The following PRKN variants were observed in gnomAD, a reference collection of about 807,000 sequenced individuals.
PRKN encodes E3 ubiquitin-protein ligase parkin.
Under a neutral mutation model 59.5 loss-of-function variants are expected in PRKN, and 56 were observed. That is an observed-to-expected ratio of 0.94 (90% CI 0.76 to 1.18). PRKN has a LOEUF of 1.18. Among genes scored for constraint, PRKN ranks in the 50% most tolerant of loss-of-function variants. The pLI, the probability that PRKN is intolerant of heterozygous loss-of-function variation, is 0.00. For synonymous variants in PRKN, 250 were observed against 222.1 expected (o/e 1.13, Z -1.12); for missense variants, 657 against 596.4 (o/e 1.10, Z -1.06).
At position 161,864,587 on chromosome 6, in the gene PRKN, G is replaced by A. The variant is rs574517459; in HGVS notation, c.735-78679C>T. Among the ~76,000 whole-genome samples the A allele has an allele frequency of 1.1e-3, 175 of 152,216 alleles. 2 individuals carry two copies. Among genetic ancestry groups the A allele is most frequent in the African/African-American group, 4.0e-3 (166 of 41,510 alleles). Reference sequence around the variant, plus strand: ...GTCTTTCACCCATGAATCATGAATCGTTTTAATGACATCTAGAATGGTGAA... The same window carrying A: ...GTCTTTCACCCATGAATCATGAATCATTTTAATGACATCTAGAATGGTGAA... On this transcript the variant is annotated intron_variant, in intron 6 of 11. Coordinates refer to ENST00000366898, the MANE Select transcript of PRKN (RefSeq NM_004562.3).
intron 9 of PRKN, among the ~76,000 whole-genome samples, chr6:161,509,678 G>A (rs552957363): frequency 2.0e-5 from 3 of 152,008 alleles, no homozygotes; most frequent in South Asian, 2.1e-4. Flanking sequence ...TTAGGAGTTC[G>A]AGACCAGCCT....
intron 7 of PRKN, among the ~76,000 whole-genome samples, chr6:161,682,858 C>G (rs1785420355): frequency 6.6e-6 from 1 of 152,110 alleles, no homozygotes; most frequent in African/African-American, 2.4e-5. Context: ...GCACCCCAAT[C>G]CCCCAGCAAA....
Position 162,648,402 on chromosome 6 carries a change from G to C in PRKN, c.7+79260C>G, listed in dbSNP as rs1778282626. 4.1e-5 allele frequency among the ~76,000 whole-genome samples: 4 copies of C among 98,444 alleles called. No individual in the cohort carries two copies. In the South Asian group the frequency reaches 1.2e-3, roughly 29 times the overall value. The allele number at this position is 98,444 out of a possible 152,430, so 64.6% of individuals were successfully genotyped here. On this transcript the variant is annotated intron_variant, in intron 1 of 11. Transcript: ENST00000366898. ...GTTCTTTCTTTTTTTATTTTTTTAAGATGGAGTCTTGCTCTGTTTCCCAAG... is the reference window on the plus strand; with the variant it reads ...GTTCTTTCTTTTTTTATTTTTTTAACATGGAGTCTTGCTCTGTTTCCCAAG...
At chr6:162,089,791 C>T (rs777470338) in intron 4 of PRKN, among the ~76,000 whole-genome samples, 8 of 152,236 alleles carry the variant, frequency 5.3e-5, no homozygotes, top group South Asian at 2.1e-4. Flanking sequence ...CAGAAGACCA[C>T]GTATTACATG....
chr6:161,680,753 ATATATATATATATATATATATATTT>A (rs1453418084), intron 7 of PRKN, among the ~76,000 whole-genome samples: 1,671 of 41,094 alleles, frequency 0.041, 129 homozygotes, highest in East Asian at 0.086. Flanking sequence ...ATATATATAT[ATATATATATATATATATATATATTT>A]TTTTTTTTTT....
At position 161,810,328 on chromosome 6, in the gene PRKN, C is replaced by T. The variant is rs147127601; in HGVS notation, c.735-24420G>A. Among the ~76,000 whole-genome samples the T allele has an allele frequency of 1.1e-4, 17 of 152,306 alleles. No individual in the cohort carries two copies. The East Asian group carries it at 3.1e-3, about 28-fold the overall frequency. On this transcript the variant is annotated intron_variant, in intron 6 of 11. Coordinates refer to ENST00000366898, the MANE Select transcript of PRKN (RefSeq NM_004562.3). ...TGGGCTTCTGGTCTGTGAGGAAATACATTTCTGTTATTTAAGCCACCTGGT... is the reference window on the plus strand; with the variant it reads ...TGGGCTTCTGGTCTGTGAGGAAATATATTTCTGTTATTTAAGCCACCTGGT...
At chr6:162,125,046 G>A (rs1781069202) in intron 4 of PRKN, among the ~76,000 whole-genome samples, 1 of 152,190 alleles carries the variant, frequency 6.6e-6, no homozygotes, top group South Asian at 2.1e-4. Flanking sequence ...GATTATTATA[G>A]AAAGTGAGGA....
At chr6:162,075,145 C>T (rs765590409) in intron 4 of PRKN, among the ~76,000 whole-genome samples, 77 of 152,226 alleles carry the variant, frequency 5.1e-4, no homozygotes, top group Non-Finnish European at 9.7e-4. Flanking sequence ...TTTCAGGCAG[C>T]AAAATATGTT....
At chr6:161,387,685 G>A (rs1189302222) in intron 9 of PRKN, among the ~76,000 whole-genome samples, 1 of 152,124 alleles carries the variant, frequency 6.6e-6, no homozygotes, top group Admixed American at 6.5e-5. Flanking sequence ...ACTTACTTTC[G>A]TATTAAAAGC....
chr6:161,432,532 A>ATTTTTTTTTTTTTTTTTT, intron 9 of PRKN, among the ~76,000 whole-genome samples: 1 of 125,494 alleles, frequency 8.0e-6, no homozygotes, highest in Non-Finnish European at 1.7e-5. Flanking sequence ...TGCCCAGCTA[A>ATTTTTTTTTTTTTTTTTT]TTTTTTTTTT....
Position 162,612,497 on chromosome 6 carries a change from C to T in PRKN, c.7+115165G>A, listed in dbSNP as rs773651545. Among the ~76,000 whole-genome samples, 34 of 150,798 alleles carry T rather than the reference C, an allele frequency of 2.3e-4. 1 individual carries two copies. In the East Asian group the frequency reaches 6.0e-3, roughly 26 times the overall value. On this transcript the variant is annotated intron_variant, in intron 1 of 11. Transcript: ENST00000366898. ...AGATTTCTCTCGACAAGTTAAGATG[C>T]TGACTTGCTGAGGCTCTGTTTGGTC...
Position 161,460,766 on chromosome 6 carries a change from C to A in PRKN, c.1084-73889G>T, listed in dbSNP as rs920063414. 7.6e-6 allele frequency among the ~76,000 whole-genome samples: 1 copy of A among 130,962 alleles called. No homozygotes were observed. The highest frequency in any genetic ancestry group is 1.7e-5 in the Non-Finnish European group (1 of 60,024). The allele number at this position is 130,962 out of a possible 152,430, so 85.9% of individuals were successfully genotyped here. ...CAAGAGTTATCTTTTTTTTTTTTTT[C>A]TTCAGATGGAGTCTCGTTCTGTCGC... On this transcript the variant is annotated intron_variant, in intron 9 of 11. Coordinates refer to ENST00000366898, the MANE Select transcript of PRKN (RefSeq NM_004562.3). This position sits in a 1 kb window ranked among gnomAD's most constrained non-coding sequence, Gnocchi z 5.0.
intron 2 of PRKN, among the ~76,000 whole-genome samples, chr6:162,432,380 G>T (rs141120732): frequency 6.6e-6 from 1 of 152,134 alleles, no homozygotes; most frequent in Non-Finnish European, 1.5e-5. Context: ...ACAAAAATTA[G>T]CTGGGTGTGT....
chr6:162,446,376 C>G (rs538679687), intron 1 of PRKN, among the ~76,000 whole-genome samples: 1 of 152,106 alleles, frequency 6.6e-6, no homozygotes, highest in Non-Finnish European at 1.5e-5. Flanking sequence ...TCCAGGAGAT[C>G]CTAAGTTTAT....
At chr6:162,562,822 G>A (rs1281347347) in intron 1 of PRKN, among the ~76,000 whole-genome samples, 1 of 152,104 alleles carries the variant, frequency 6.6e-6, no homozygotes, top group Non-Finnish European at 1.5e-5. Context: ...AAAACCCCAG[G>A]GCCTTGAGTG....
rs188607687 is a variant in PRKN at position 161,414,532 on chromosome 6, C to A, written c.1084-27655G>T. On this transcript the variant is annotated intron_variant, in intron 9 of 11. Transcript: ENST00000366898. This position sits in a 1 kb window ranked among gnomAD's most constrained non-coding sequence, Gnocchi z 5.3. ...GTGCTAAAATCTTATTTAGAGGAGT[C>A]GTGGTAGAATTATTTATTCACTTCT... Among the ~76,000 whole-genome samples, 3 of 152,166 alleles carry A rather than the reference C, an allele frequency of 2.0e-5. No individual in the cohort carries two copies. Among genetic ancestry groups the A allele is most frequent in the Admixed American group, 2.0e-4 (3 of 15,272 alleles).
In PRKN at chr6:162,646,480, C is replaced by T. The variant is rs559527305; in HGVS notation, c.7+81182G>A. Among the ~76,000 whole-genome samples the T allele has an allele frequency of 6.8e-4, 103 of 151,852 alleles. 2 individuals are homozygous for T. In the South Asian group the frequency reaches 0.02, roughly 30 times the overall value. On this transcript the variant is annotated intron_variant, in intron 1 of 11. Coordinates refer to ENST00000366898, the MANE Select transcript of PRKN (RefSeq NM_004562.3). ...AATTTTTTTGTAGAGATGCAGGTCT[C>T]GATATGTTGCCCAGGCTGGTCTCAA...
chr6:162,507,237 GCTCC>G (rs1333109634), intron 1 of PRKN, among the ~76,000 whole-genome samples: 2 of 151,852 alleles, frequency 1.3e-5, no homozygotes, highest in African/African-American at 2.4e-5. Context: ...CACTATGCTG[GCTCC>G]CTAAGACTCA....
intron 3 of PRKN, among the ~76,000 whole-genome samples, chr6:162,210,989 T>C (rs1339117038): frequency 6.6e-6 from 1 of 152,170 alleles, no homozygotes; most frequent in African/African-American, 2.4e-5. Flanking sequence ...CAGCATTTCA[T>C]AACAAAGAAA....
Sources: allele counts gnomAD v4.1 joint callset (sites outside exome capture counted in the v4.1 genomes callset), GRCh38; gene constraint gnomAD v4.1.1; non-coding constraint Gnocchi (gnomAD v3.1); transcripts MANE v1.5; gene names NCBI Gene and HGNC (gene_info 2026-07-23, HGNC 2026-07-21).